COL4A2: variants seen among roughly 807,000 people sequenced by gnomAD.
The protein encoded by COL4A2 is collagen type IV alpha 2 chain.
A neutral mutation model predicts 200.2 loss-of-function variants in COL4A2; 99 were observed. The observed-to-expected ratio is 0.49, with a 90% CI of 0.42 to 0.58. The LOEUF (loss-of-function observed/expected upper bound fraction) is 0.58. COL4A2 is among the 20% of genes least tolerant of loss of function. The probability of loss-of-function intolerance (pLI) is 0.00; values close to 1 mark genes in which losing one functional copy is unlikely to be tolerated. For missense variants in COL4A2, 1,950 were observed against 2,314.1 expected, an observed-to-expected ratio of 0.84 and a Z score of 3.23; for synonymous variants, 897 against 900.6, an observed-to-expected ratio of 1.00 and a Z score of 0.07.
Position 110,503,252 on chromosome 13 carries a change from C to G in COL4A2, c.4009C>G (p.Pro1337Ala). 1 of 1,609,772 alleles carries G rather than the reference C, an allele frequency of 6.2e-7. No individual in the cohort carries two copies. Among genetic ancestry groups the G allele is most frequent in the Non-Finnish European group, 8.5e-7 (1 of 1,178,606 alleles). The change falls in exon 42 of 48, where the codon CCT becomes GCT. Residue 1337 changes from proline to alanine, a missense_variant. Physicochemically the swap from Pro to Ala is conservative, Grantham distance 27. Coordinates refer to ENST00000360467, the MANE Select transcript of COL4A2 (RefSeq NM_001846.4). Reference protein sequence around the residue: ...WAGDSGPQGRPGVFGLPGEKG... With the variant: ...WAGDSGPQGRAGVFGLPGEKG... Reference sequence around the variant, plus strand: ...CGGGGACTCCGGGCCCCAGGGCAGGCCTGGTGTGTTTGGTCTCCCAGGAGA... The same window carrying G: ...CGGGGACTCCGGGCCCCAGGGCAGGGCTGGTGTGTTTGGTCTCCCAGGAGA...
At chr13:110,485,527 A>T in intron 33 of COL4A2, 128 bp from the exon 34 acceptor site, 1 of 373,118 alleles carries the variant, frequency 2.7e-6, no homozygotes, top group Non-Finnish European at 4.6e-6. Flanking sequence ...CGTCTCAAAA[A>T]AAAAAAAAAA....
intron 3 of COL4A2, among the ~76,000 whole-genome samples, chr13:110,310,170 C>T (rs983847165): frequency 3.9e-5 from 6 of 152,220 alleles, no homozygotes; most frequent in Non-Finnish European, 8.8e-5. Context: ...TGCAAGCTCA[C>T]CCCCAGTCTC....
At chr13:110,467,729 T>C (rs1312870436) in intron 27 of COL4A2, among the ~76,000 whole-genome samples, 2 of 152,144 alleles carry the variant, frequency 1.3e-5, no homozygotes, top group Non-Finnish European at 2.9e-5. Context: ...CACTCCAGGG[T>C]CTCCGTGGGC....
chr13:110,481,636 AC>A (rs1566559504), intron 31 of COL4A2, among the ~76,000 whole-genome samples: 1,008 of 103,974 alleles, frequency 9.7e-3, no homozygotes, highest in Non-Finnish European at 0.013. Flanking sequence ...CTGGAGACAC[AC>A]TGTTCTGTCC....
Position 110,508,812 on chromosome 13 carries a change from C to T in COL4A2, c.4881+591C>T, listed in dbSNP as rs1000839668. ...CGCCTTTGGGTATAAAATAGAGAAC[C>T]CTCAGCTTTGGCCAGATTAGGTTTA... is the stretch of plus-strand genomic sequence containing the variant. On this transcript the variant is annotated intron_variant, in intron 47 of 47. Transcript: ENST00000360467. The surrounding 1 kb of genome is among the most constrained non-coding windows in gnomAD (Gnocchi z 6.1). 6.6e-6 allele frequency among the ~76,000 whole-genome samples: 1 copy of T among 152,122 alleles called. No individual in the cohort carries two copies. The highest frequency in any genetic ancestry group is 2.4e-5 in the African/African-American group (1 of 41,422).
At chr13:110,462,043 C>G in intron 22 of COL4A2, 71 bp from the exon 23 acceptor site, 1 of 1,584,718 alleles carries the variant, frequency 6.3e-7, no homozygotes, top group Non-Finnish European at 8.6e-7. Flanking sequence ...GATGAAAAAG[C>G]TTGCCAGCCA....
At position 110,441,003 on chromosome 13, in the gene COL4A2, C is replaced by T. The variant is rs1045441073; in HGVS notation, c.957+1170C>T. Reference sequence around the variant, plus strand: ...TGCAGAGAATGGCAGTCAATAGGTGCGCCATATTTCCTTACGCCCTCGAGG... The same window carrying T: ...TGCAGAGAATGGCAGTCAATAGGTGTGCCATATTTCCTTACGCCCTCGAGG... On this transcript the variant is annotated intron_variant, in intron 16 of 47. Coordinates refer to ENST00000360467, the MANE Select transcript of COL4A2 (RefSeq NM_001846.4). 2.6e-5 allele frequency among the ~76,000 whole-genome samples: 4 copies of T among 152,220 alleles called. No individual in the cohort carries two copies. The East Asian group carries it at 5.8e-4, about 22-fold the overall frequency.
Position 110,469,307 on chromosome 13 carries a change from G to A in COL4A2, c.2186G>A (p.Gly729Glu), listed in dbSNP as rs1253478483. Residue 729 changes from glycine (G) to glutamate (E), a missense_variant, in exon 28 of 48, where the codon GGG becomes GAG. Coordinates refer to ENST00000360467, the MANE Select transcript of COL4A2 (RefSeq NM_001846.4). ...RGLPGDAGRE[G>E]FPGPPGFIGP... ...TTGCCAGGAGACGCAGGTCGTGAAG[G>A]GTTCCCAGGACCCCCAGGTGAGTTG... The A allele has an allele frequency of 6.3e-7, 1 of 1,589,480 alleles. No individual in the cohort carries two copies. The highest frequency in any genetic ancestry group is 8.6e-7 in the Non-Finnish European group (1 of 1,167,988).
At chr13:110,501,887 G>A in intron 41 of COL4A2, 103 bp downstream of exon 41, 1 of 1,167,086 alleles carries the variant, frequency 8.6e-7, no homozygotes. Context: ...TCCACGCTGT[G>A]CCCAGACTCC....
chr13:110,506,269 T>G (rs1325086860), intron 45 of COL4A2, 146 bp from the exon 46 acceptor site: 1 of 835,572 alleles, frequency 1.2e-6, no homozygotes, highest in Non-Finnish European at 1.8e-6. Flanking sequence ...TCTCTCTCTC[T>G]CTCTCTCTCT....
At chr13:110,416,053 A>G (rs184351903) in intron 4 of COL4A2, among the ~76,000 whole-genome samples, 246 of 152,364 alleles carry the variant, frequency 1.6e-3, no homozygotes, top group Non-Finnish European at 2.7e-3. Context: ...TTAATTGCCA[A>G]TCATCGTGTG....
At chr13:110,473,724 G>A (rs1882570535) in intron 29 of COL4A2, 1 of 152,228 alleles carries the variant, frequency 6.6e-6, no homozygotes, top group African/African-American at 2.4e-5. Context: ...GGGAACCCGA[G>A]CCCCGAGCTT....
chr13:110,349,344 C>T (rs1003916629), intron 3 of COL4A2, among the ~76,000 whole-genome samples: 1 of 152,174 alleles, frequency 6.6e-6, no homozygotes, highest in African/African-American at 2.4e-5. Flanking sequence ...TCCCCGGTGG[C>T]AAAGGAGGGA....
chr13:110,474,235 G>A (rs1418443975), intron 29 of COL4A2, among the ~76,000 whole-genome samples: 4 of 152,208 alleles, frequency 2.6e-5, no homozygotes, highest in Non-Finnish European at 5.9e-5. Flanking sequence ...ACCCCAGCCC[G>A]AAGAGGCTTC....
At chr13:110,496,078 C>T (rs548885989) in intron 40 of COL4A2, among the ~76,000 whole-genome samples, 2 of 152,354 alleles carry the variant, frequency 1.3e-5, no homozygotes, top group South Asian at 4.1e-4. Flanking sequence ...ACCTCACCAG[C>T]CTGACCAGGG....
chr13:110,492,825 T>C (rs1461488378), intron 38 of COL4A2, among the ~76,000 whole-genome samples: 4 of 152,200 alleles, frequency 2.6e-5, no homozygotes, highest in Non-Finnish European at 5.9e-5. Flanking sequence ...TCCAGTTCAA[T>C]GGTGTTCCTA....
intron 3 of COL4A2, among the ~76,000 whole-genome samples, chr13:110,335,277 T>A (rs1320869116): frequency 6.6e-6 from 1 of 152,148 alleles, no homozygotes. Context: ...TTTGGCTCTG[T>A]CCCCACTCAA....
chr13:110,364,077 C>G (rs763162792), intron 4 of COL4A2, among the ~76,000 whole-genome samples: 3 of 152,188 alleles, frequency 2.0e-5, no homozygotes, highest in Non-Finnish European at 4.4e-5. Context: ...TCTTTGCAAA[C>G]CAACTGCAAT....
intron 4 of COL4A2, among the ~76,000 whole-genome samples, chr13:110,379,258 T>A (rs955575331): frequency 6.6e-6 from 1 of 152,184 alleles, no homozygotes; most frequent in African/African-American, 2.4e-5. Context: ...TGAAGAAGAA[T>A]TATCTGGTGC....
Sources: allele counts gnomAD v4.1 joint callset (sites outside exome capture counted in the v4.1 genomes callset), GRCh38; gene constraint gnomAD v4.1.1; non-coding constraint Gnocchi (gnomAD v3.1); transcripts MANE v1.5; gene names NCBI Gene and HGNC (gene_info 2026-07-23, HGNC 2026-07-21).